Variants in PDE1A observed in about 807,000 individuals in gnomAD.
The protein encoded by PDE1A is dual specificity calcium/calmodulin-dependent 3',5'-cyclic nucleotide phosphodiesterase 1A.
PDE1A carries 35 observed loss-of-function variants against 61.7 expected under a neutral mutation model. That is an observed-to-expected ratio of 0.57 (90% CI 0.43 to 0.75). The LOEUF is 0.75. Among genes scored for constraint, PDE1A ranks in the 30% least tolerant of loss-of-function variants. The pLI is 0.00. For missense variants in PDE1A, 597 were observed against 630.6 expected, an observed-to-expected ratio of 0.95 and a Z score of 0.57; for synonymous variants, 232 against 213.2, an observed-to-expected ratio of 1.09 and a Z score of -0.77.
the PDE1A span, among the ~76,000 whole-genome samples, chr2:182,617,317 A>G: frequency 6.6e-6 from 1 of 152,152 alleles, no homozygotes; most frequent in African/African-American, 2.4e-5. Context: ...CACCCCACAC[A>G]TGTTGTCACA....
chr2:182,577,357 T>C, the PDE1A span, among the ~76,000 whole-genome samples: 1 of 152,254 alleles, frequency 6.6e-6, no homozygotes, highest in Non-Finnish European at 1.5e-5. Flanking sequence ...TGTCCCATCC[T>C]GAATTTGCAG....
intron 2 of PDE1A, among the ~76,000 whole-genome samples, chr2:182,479,431 A>G (rs16823285): frequency 0.27 from 40,234 of 151,658 alleles, 5,540 homozygotes; most frequent in Middle Eastern, 0.43. Context: ...ACCCCTAATT[A>G]ACAGAATCAT....
At chr2:182,152,635 G>T (rs1189300507) in intron 13 of PDE1A, among the ~76,000 whole-genome samples, 1 of 151,862 alleles carries the variant, frequency 6.6e-6, no homozygotes, top group African/African-American at 2.4e-5. Flanking sequence ...TGGCCAGGCT[G>T]GTCTTGAACT....
intron 2 of PDE1A, among the ~76,000 whole-genome samples, chr2:182,256,376 G>T (rs1223347514): frequency 2.0e-5 from 3 of 150,582 alleles, no homozygotes; most frequent in Admixed American, 6.6e-5. Context: ...GAGAATGATG[G>T]TTTCCAATTT....
At position 182,303,655 on chromosome 2, in the gene PDE1A, C is replaced by T. The variant is rs767080950; in HGVS notation, c.54-39241G>A. ...AGTAGAGTCAGCCTGTCCTTTGAGGCTTTGAGAAGTCAATGTCTGGCTTCA... is the reference window on the plus strand; with the variant it reads ...AGTAGAGTCAGCCTGTCCTTTGAGGTTTTGAGAAGTCAATGTCTGGCTTCA... On this transcript the variant is annotated intron_variant, in intron 1 of 13. Transcript: ENST00000351439. Among the ~76,000 whole-genome samples the T allele has an allele frequency of 9.9e-5, 15 of 152,150 alleles. 1 individual carries two copies. Among genetic ancestry groups the T allele is most frequent in the Non-Finnish European group, 1.8e-4 (12 of 68,036 alleles).
At chr2:182,174,658 T>C (rs1692560752) in intron 13 of PDE1A, among the ~76,000 whole-genome samples, 1 of 152,150 alleles carries the variant, frequency 6.6e-6, no homozygotes, top group South Asian at 2.1e-4. Flanking sequence ...AGAAATAGTG[T>C]AAATAATTCA....
chr2:182,560,318 G>T, the PDE1A span, among the ~76,000 whole-genome samples: 320 of 148,968 alleles, frequency 2.1e-3, 3 homozygotes, highest in African/African-American at 7.0e-3. Context: ...GCGGTGTTTG[G>T]TTTTTTGTCC....
At chr2:182,188,957 C>A in intron 11 of PDE1A, 22 bp downstream of exon 11, 1 of 1,541,306 alleles carries the variant, frequency 6.5e-7, no homozygotes, top group Non-Finnish European at 9.0e-7. Context: ...CACTTTCCAC[C>A]ACCACAAATC....
At chr2:182,702,741 A>G in the PDE1A span, among the ~76,000 whole-genome samples, 5 of 152,340 alleles carry the variant, frequency 3.3e-5, no homozygotes, top group African/African-American at 1.2e-4. Context: ...ACCACATATC[A>G]TCTTCATAAT....
the PDE1A span, among the ~76,000 whole-genome samples, chr2:182,701,563 G>GTAGAGACGGGGTTTCGCCA: frequency 2.0e-5 from 3 of 151,700 alleles, no homozygotes; most frequent in Non-Finnish European, 4.4e-5. Flanking sequence ...GTATTTTATA[G>GTAGAGACGGGGTTTCGCCA]TAGAGACGGG....
intron 1 of PDE1A, among the ~76,000 whole-genome samples, chr2:182,411,049 A>G (rs1347960654): frequency 6.6e-6 from 1 of 152,232 alleles, no homozygotes; most frequent in East Asian, 1.9e-4. Context: ...ATTTTCATAA[A>G]TGAAACACAT....
the PDE1A span, chr2:182,715,912 C>A: frequency 6.6e-6 from 1 of 152,250 alleles, no homozygotes; most frequent in African/African-American, 2.4e-5. Context: ...GCTCCGTCTT[C>A]CCTTTAAAAG....
chr2:182,490,150 G>A (rs1315807202), intron 2 of PDE1A, among the ~76,000 whole-genome samples: 5 of 152,098 alleles, frequency 3.3e-5, no homozygotes, highest in Non-Finnish European at 5.9e-5. Flanking sequence ...ATGGAGAAGC[G>A]AACATTTGAC....
At chr2:182,376,020 G>A (rs149638009) in intron 1 of PDE1A, among the ~76,000 whole-genome samples, 2,321 of 152,310 alleles carry the variant, frequency 0.015, 60 homozygotes, top group African/African-American at 0.053. Flanking sequence ...GGGACCCTGG[G>A]CCCTGCCCAT....
Position 182,499,173 on chromosome 2 carries a change from G to GTTT in PDE1A, c.101+23100_101+23102dup, listed in dbSNP as rs545033513. ...AGGCTATTTTCTTTCTCTTTTTCTTGTTTTTTTTTTTTTTTTTTTTTGAGA... is the reference window on the plus strand; with the variant it reads ...AGGCTATTTTCTTTCTCTTTTTCTTGTTTTTTTTTTTTTTTTTTTTTTTTGAGA... On this transcript the variant is annotated intron_variant, in intron 2 of 14. Coordinates refer to the PDE1A transcript ENST00000410103. 1.5e-3 allele frequency among the ~76,000 whole-genome samples: 115 copies of GTTT among 77,314 alleles called. 3 individuals carry two copies. The highest frequency in any genetic ancestry group is 1.7e-3 in the Non-Finnish European group (77 of 44,262). 50.7% of individuals were successfully genotyped at this position (77,314 alleles called of 152,430 possible). A position where few individuals can be genotyped will look rare whatever the true frequency, so the allele number is the denominator to read the frequency against.
At chr2:182,369,843 T>A (rs1700030634) in intron 1 of PDE1A, among the ~76,000 whole-genome samples, 1 of 152,184 alleles carries the variant, frequency 6.6e-6, no homozygotes, top group South Asian at 2.1e-4. Flanking sequence ...ATAAACTCAT[T>A]ACTTGAAATG....
At chr2:182,329,127 C>T (rs1373896244) in intron 1 of PDE1A, among the ~76,000 whole-genome samples, 1 of 152,156 alleles carries the variant, frequency 6.6e-6, no homozygotes, top group Non-Finnish European at 1.5e-5. Context: ...ACATGTGATA[C>T]ATTCCTATGG....
intron 1 of PDE1A, among the ~76,000 whole-genome samples, chr2:182,351,346 G>A (rs973440464): frequency 1.3e-5 from 2 of 152,106 alleles, no homozygotes; most frequent in Non-Finnish European, 2.9e-5. Flanking sequence ...ACAAGTAAGG[G>A]GTAGTTTCTA....
chr2:182,630,605 T>C, the PDE1A span, among the ~76,000 whole-genome samples: 1 of 152,298 alleles, frequency 6.6e-6, no homozygotes, highest in East Asian at 1.9e-4. Flanking sequence ...TTCATGAAAA[T>C]TTTTAAACAT....
Sources: allele counts gnomAD v4.1 joint callset (sites outside exome capture counted in the v4.1 genomes callset), GRCh38; gene constraint gnomAD v4.1.1; transcripts MANE v1.5; gene names NCBI Gene and HGNC (gene_info 2026-07-23, HGNC 2026-07-21).